Variants in ETFA observed in about 807,000 individuals in gnomAD.
The protein encoded by ETFA is electron transfer flavoprotein subunit alpha, mitochondrial.
A neutral mutation model predicts 46.2 loss-of-function variants in ETFA; 22 were observed. The observed-to-expected ratio is 0.48, with a 90% CI of 0.34 to 0.68. The LOEUF is 0.68. ETFA is among the 30% of genes least tolerant of loss of function. ETFA has a pLI of 0.01. For missense variants in ETFA, 345 were observed against 401.1 expected, an observed-to-expected ratio of 0.86 and a Z score of 1.19; for synonymous variants, 131 against 139.9, an observed-to-expected ratio of 0.94 and a Z score of 0.45.
At chr15:76,267,966 A>G (rs1351215841) in intron 9 of ETFA, among the ~76,000 whole-genome samples, 3 of 152,158 alleles carry the variant, frequency 2.0e-5, no homozygotes, top group Non-Finnish European at 4.4e-5. Flanking sequence ...CACAGCATCT[A>G]GTGGACCCAC....
intron 1 of ETFA, among the ~76,000 whole-genome samples, chr15:76,307,530 A>T (rs892052433): frequency 6.6e-6 from 1 of 150,512 alleles, no homozygotes; most frequent in Non-Finnish European, 1.5e-5. Context: ...TCTGTTGCCC[A>T]GGCCGGAGGG....
chr15:76,259,828 G>A (rs1174395921), intron 9 of ETFA: 1 of 1,573,174 alleles, frequency 6.4e-7, no homozygotes. Flanking sequence ...TCAGGGTAAA[G>A]GGGTTCTCCC....
chr15:76,272,379 C>G (rs1040011401), intron 9 of ETFA, among the ~76,000 whole-genome samples: 1 of 152,066 alleles, frequency 6.6e-6, no homozygotes. Flanking sequence ...TGCCACCACA[C>G]CCAGCTAATT....
At chr15:76,234,742 T>C (rs1251372917) in intron 9 of ETFA, among the ~76,000 whole-genome samples, 5 of 152,174 alleles carry the variant, frequency 3.3e-5, no homozygotes, top group African/African-American at 1.2e-4. Context: ...GAATAGGGGC[T>C]GTGCGGAGAA....
At chr15:76,291,867 C>T (rs548301225) in intron 4 of ETFA, among the ~76,000 whole-genome samples, 1 of 152,034 alleles carries the variant, frequency 6.6e-6, no homozygotes, top group African/African-American at 2.4e-5. Context: ...AATCCACTGA[C>T]GAATTCCTTG....
chr15:76,283,240 G>A (rs949504770), intron 8 of ETFA, among the ~76,000 whole-genome samples: 2 of 152,014 alleles, frequency 1.3e-5, no homozygotes, highest in African/African-American at 4.8e-5. Flanking sequence ...TGCCCAGACT[G>A]GAATGCAGTG....
intron 8 of ETFA, among the ~76,000 whole-genome samples, chr15:76,278,332 T>C (rs1368424283): frequency 6.6e-6 from 1 of 152,200 alleles, no homozygotes; most frequent in Non-Finnish European, 1.5e-5. Flanking sequence ...TAATCTACAA[T>C]TCTATTAACT....
intron 9 of ETFA, among the ~76,000 whole-genome samples, chr15:76,273,914 T>C (rs1220609274): frequency 2.0e-5 from 3 of 152,192 alleles, no homozygotes; most frequent in African/African-American, 7.2e-5. Flanking sequence ...ATCACTTATC[T>C]ATGTAGAACA....
rs146273644 is a variant in ETFA, at chr15:76,229,747, G to A, written c.882+1586C>T. On this transcript the variant is annotated intron_variant, in intron 10 of 11. Transcript: ENST00000557943. ...CAGTTCATTTAGAAGCTACAAAGAG[G>A]TAGTGCATGCATTTCAAATTAGAAG... 7.2e-5 allele frequency among the ~76,000 whole-genome samples: 11 copies of A among 152,290 alleles called. No homozygotes were observed. The East Asian group carries it at 2.1e-3, about 29-fold the overall frequency.
At chr15:76,257,719 G>A (rs566205046) in intron 9 of ETFA, among the ~76,000 whole-genome samples, 21 of 151,914 alleles carry the variant, frequency 1.4e-4, no homozygotes, top group Non-Finnish European at 2.9e-4. Flanking sequence ...ACATGCACAC[G>A]TATGTTTATT....
At chr15:76,241,387 C>G (rs2039186308) in intron 9 of ETFA, among the ~76,000 whole-genome samples, 1 of 151,990 alleles carries the variant, frequency 6.6e-6, no homozygotes, top group African/African-American at 2.4e-5. Context: ...ATCTGTGATC[C>G]CAGCTACTTG....
At chr15:76,227,232 T>G (rs970381985) in intron 10 of ETFA, among the ~76,000 whole-genome samples, 6 of 151,898 alleles carry the variant, frequency 4.0e-5, no homozygotes, top group African/African-American at 1.5e-4. Flanking sequence ...ACCCCATCTC[T>G]ACAATAAAAA....
chr15:76,250,671 T>G (rs1297050177), intron 9 of ETFA, among the ~76,000 whole-genome samples: 1 of 152,030 alleles, frequency 6.6e-6, no homozygotes, highest in African/African-American at 2.4e-5. Context: ...TAGCTGGGAC[T>G]ACAGCTACAT....
At chr15:76,307,088 T>C (rs1172370242) in intron 1 of ETFA, among the ~76,000 whole-genome samples, 1 of 152,160 alleles carries the variant, frequency 6.6e-6, no homozygotes, top group Non-Finnish European at 1.5e-5. Context: ...ATAAACACAG[T>C]AAAAAGAGTA....
At chr15:76,284,738 C>T (rs962138249) in intron 7 of ETFA, 19 of 203,878 alleles carry the variant, frequency 9.3e-5, no homozygotes, top group South Asian at 3.8e-4. Flanking sequence ...GTGATCCACC[C>T]GCCTCGGCTT....
chr15:76,263,933 C>T (rs953125837), intron 9 of ETFA, among the ~76,000 whole-genome samples: 3 of 152,214 alleles, frequency 2.0e-5, no homozygotes, highest in Admixed American at 1.3e-4. Context: ...CTCTCTCCCC[C>T]TTACTGGGTG....
intron 9 of ETFA, chr15:76,258,921 C>T (rs777218126): frequency 7.7e-5 from 87 of 1,126,874 alleles, no homozygotes; most frequent in Non-Finnish European, 1.0e-4. Flanking sequence ...TCAGACAGGG[C>T]TTTGTCAGCC....
At chr15:76,299,764 C>G (rs1406741624) in intron 1 of ETFA, among the ~76,000 whole-genome samples, 1 of 152,208 alleles carries the variant, frequency 6.6e-6, no homozygotes, top group African/African-American at 2.4e-5. Flanking sequence ...ACAATGGAAG[C>G]TGCTGTGGAT....
intron 9 of ETFA, chr15:76,274,140 A>T (rs533070371): frequency 2.4e-6 from 1 of 418,866 alleles, no homozygotes; most frequent in African/African-American, 2.0e-5. Context: ...TGCTGCTTTT[A>T]TCAATGTTTT....
Sources: gnomAD v4.1 joint callset for allele counts (sites outside exome capture counted in the v4.1 genomes callset) on GRCh38, gnomAD v4.1.1 for gene constraint, MANE v1.5 for transcripts, NCBI Gene and HGNC (gene_info 2026-07-23, HGNC 2026-07-21) for gene names.